ESYT3: variants seen among roughly 807,000 people sequenced by gnomAD.
ESYT3 encodes the protein extended synaptotagmin-3.
A neutral mutation model predicts 111.5 loss-of-function variants in ESYT3; 101 were observed. That is an observed-to-expected ratio of 0.91 (90% CI 0.77 to 1.07). ESYT3 has a LOEUF of 1.07. ESYT3 is among the 50% of genes least tolerant of loss of function. The pLI, the probability that ESYT3 is intolerant of heterozygous loss-of-function variation, is 0.00. For missense variants in ESYT3, 1,097 were observed against 1,109.4 expected (o/e 0.99, Z 0.16); for synonymous variants, 416 against 446.8 (o/e 0.93, Z 0.87).
intron 2 of ESYT3, among the ~76,000 whole-genome samples, chr3:138,452,959 C>G (rs573272332): frequency 2.4e-4 from 36 of 152,266 alleles, no homozygotes; most frequent in Middle Eastern, 3.4e-3. Context: ...GTAGCACACA[C>G]CAGGGTCACA....
At chr3:138,461,679 A>G (rs114333197) in intron 7 of ESYT3, among the ~76,000 whole-genome samples, 304 of 152,346 alleles carry the variant, frequency 2.0e-3, no homozygotes, top group African/African-American at 6.8e-3. Context: ...AAACAACCCC[A>G]GGAATACGCA....
chr3:138,464,328 G>C lies in ESYT3; in HGVS notation c.916-17G>C. 6.2e-7 allele frequency: 1 copy of C among 1,613,562 alleles called. No homozygotes were observed. Among genetic ancestry groups the C allele is most frequent in the South Asian group, 1.1e-5 (1 of 91,040 alleles). Reference sequence around the variant, plus strand: ...CCCAGGAAGCAGCTGTGAGCCCTGGGCTTGGACATTTTCCAGGGGGTGATC... The same window carrying C: ...CCCAGGAAGCAGCTGTGAGCCCTGGCCTTGGACATTTTCCAGGGGGTGATC... On this transcript the variant is annotated splice_polypyrimidine_tract_variant and intron_variant, in intron 8 of 22. Coordinates refer to ENST00000389567, the MANE Select transcript of ESYT3 (RefSeq NM_031913.5).
chr3:138,448,573 G>A (rs2031715265), intron 1 of ESYT3, among the ~76,000 whole-genome samples: 3 of 152,124 alleles, frequency 2.0e-5, no homozygotes, highest in Admixed American at 2.0e-4. Flanking sequence ...AATCCAGAGA[G>A]ATTAAAGACC....
intron 1 of ESYT3, among the ~76,000 whole-genome samples, chr3:138,443,380 A>G (rs2031298053): frequency 1.3e-5 from 2 of 152,240 alleles, no homozygotes; most frequent in South Asian, 4.1e-4. Flanking sequence ...AAAAGGACAA[A>G]GTCTGCGCAT....
chr3:138,469,209 G>C (rs2033093553), intron 14 of ESYT3: 1 of 596,532 alleles, frequency 1.7e-6, no homozygotes, highest in East Asian at 2.8e-5. Context: ...GCCCAGCTCT[G>C]GCTTCTGGTC....
chr3:138,456,164 G>T (rs1200144463), intron 3 of ESYT3, among the ~76,000 whole-genome samples: 1 of 152,230 alleles, frequency 6.6e-6, no homozygotes, highest in East Asian at 1.9e-4. Context: ...ATTCAAACTG[G>T]CTTGTGCCAG....
intron 2 of ESYT3, among the ~76,000 whole-genome samples, chr3:138,454,944 A>G (rs948152539): frequency 6.6e-6 from 1 of 152,212 alleles, no homozygotes; most frequent in South Asian, 2.1e-4. Context: ...GCTCTGCGGA[A>G]TAGCACCAAA....
chr3:138,435,529 G>A lies in ESYT3; in HGVS notation c.327+404G>A, dbSNP rs1053766766. On this transcript the variant is annotated intron_variant, in intron 1 of 22. Transcript: ENST00000389567. This position sits in a 1 kb window ranked among gnomAD's most constrained non-coding sequence, Gnocchi z 4.8. ...AGAGAACGAACGCCGGACGCAAAACGTAGATGGGCAAATACCGCAGTGACA... is the reference window on the plus strand; with the variant it reads ...AGAGAACGAACGCCGGACGCAAAACATAGATGGGCAAATACCGCAGTGACA... Among the ~76,000 whole-genome samples the A allele has an allele frequency of 6.6e-6, 1 of 152,252 alleles. No homozygotes were observed. The highest frequency in any genetic ancestry group is 2.4e-5 in the African/African-American group (1 of 41,456).
At chr3:138,458,689 C>G (rs1331353367) in intron 4 of ESYT3, among the ~76,000 whole-genome samples, 1 of 152,212 alleles carries the variant, frequency 6.6e-6, no homozygotes, top group Non-Finnish European at 1.5e-5. Context: ...GGCTTCTGTG[C>G]TGAAGCCTGA....
chr3:138,439,403 C>T (rs1315003498), intron 1 of ESYT3, among the ~76,000 whole-genome samples: 2 of 152,168 alleles, frequency 1.3e-5, no homozygotes, highest in African/African-American at 2.4e-5. Flanking sequence ...TGTGGGTTCT[C>T]GGAGTCCCGG....
chr3:138,475,584 G>C (rs1016252108), intron 20 of ESYT3, among the ~76,000 whole-genome samples: 6 of 152,174 alleles, frequency 3.9e-5, no homozygotes, highest in Non-Finnish European at 8.8e-5. Flanking sequence ...AGGGGGTTGA[G>C]GTGGTCCTGT....
chr3:138,460,093 G>T (rs1256561350), intron 6 of ESYT3, 59 bp downstream of exon 6: 1 of 1,498,482 alleles, frequency 6.7e-7, no homozygotes, highest in African/African-American at 1.4e-5. Flanking sequence ...CTGGTCTGCT[G>T]GGCCCTAGAC....
intron 4 of ESYT3, among the ~76,000 whole-genome samples, chr3:138,458,216 T>A (rs1241509582): frequency 1.3e-5 from 2 of 152,182 alleles, no homozygotes; most frequent in African/African-American, 4.8e-5. Flanking sequence ...TCCTTTCCCA[T>A]GTCTCATTCT....
chr3:138,457,703 C>T (rs183217246), intron 4 of ESYT3, 59 bp downstream of exon 4: 1 of 1,507,930 alleles, frequency 6.6e-7, no homozygotes, highest in East Asian at 2.3e-5. Flanking sequence ...TGGGAACAGC[C>T]AGTTTGAAGA....
At position 138,478,943 on chromosome 3, in the gene ESYT3, C is replaced by T. The variant is rs545241224; in HGVS notation, c.*2089C>T. On this transcript the variant is annotated 3_prime_UTR_variant, in exon 23 of 23. Coordinates refer to ENST00000389567, the MANE Select transcript of ESYT3 (RefSeq NM_031913.5). ...GAATATTGGTTTAGAACCTGGAAGCCTGTGAAGCCTTGATGGAGGCAACCA... is the reference window on the plus strand; with the variant it reads ...GAATATTGGTTTAGAACCTGGAAGCTTGTGAAGCCTTGATGGAGGCAACCA... The T allele has an allele frequency of 6.1e-4, 93 of 152,302 alleles. No individual in the cohort carries two copies. Among genetic ancestry groups the T allele is most frequent in the African/African-American group, 2.2e-3 (90 of 41,564 alleles). 9.4% of individuals were successfully genotyped at this position (152,302 alleles called of 1,614,324 possible).
chr3:138,469,368 G>C lies in ESYT3; in HGVS notation c.1435-68G>C. ...TTCCCCCAGATGCTCCTGGGGGTTG[G>C]GGGTAGGACTGTCTCAAGCTGATAT... On this transcript the variant is annotated intron_variant, in intron 14 of 22. Transcript: ENST00000389567. The C allele has an allele frequency of 5.7e-6, 8 of 1,392,816 alleles. No individual in the cohort carries two copies. The South Asian group carries it at 7.2e-5, about 12-fold the overall frequency. 86.3% of individuals were successfully genotyped at this position (1,392,816 alleles called of 1,614,324 possible).
intron 18 of ESYT3, chr3:138,473,275 A>T (rs2033325778): frequency 2.8e-6 from 2 of 722,452 alleles, no homozygotes. Context: ...AAAGTTTAAT[A>T]AATTCATCCA....
rs1405777383 is a variant in ESYT3, at chr3:138,479,858, T to C, written c.*3004T>C. On this transcript the variant is annotated 3_prime_UTR_variant, in exon 23 of 23. Transcript: ENST00000389567. ...AAGGATCTGCATCCTGAAGTTGATA[T>C]TCTGTATCCCCTAGAGTCCACTTCT... 1 of 152,220 alleles carries C rather than the reference T, an allele frequency of 6.6e-6. No homozygotes were observed. Among genetic ancestry groups the C allele is most frequent in the Non-Finnish European group, 1.5e-5 (1 of 68,036 alleles). The allele number at this position is 152,220 out of a possible 1,614,324, so 9.4% of individuals were successfully genotyped here. A position where few individuals can be genotyped will look rare whatever the true frequency, so the allele number is the denominator to read the frequency against.
At chr3:138,475,506 T>A (rs1237005357) in intron 20 of ESYT3, among the ~76,000 whole-genome samples, 1 of 152,186 alleles carries the variant, frequency 6.6e-6, no homozygotes, top group Non-Finnish European at 1.5e-5. Context: ...GCCACTGTTT[T>A]CCATGCAACT....
Sources: allele counts gnomAD v4.1 joint callset (sites outside exome capture counted in the v4.1 genomes callset), GRCh38; gene constraint gnomAD v4.1.1; non-coding constraint Gnocchi (gnomAD v3.1); transcripts MANE v1.5; gene names NCBI Gene and HGNC (gene_info 2026-07-23, HGNC 2026-07-21).